MGAT3: variants seen among roughly 807,000 people sequenced by gnomAD.
MGAT3 encodes beta-1,4-mannosyl-glycoprotein 4-beta-N-acetylglucosaminyltransferase.
A neutral mutation model predicts 29.8 loss-of-function variants in MGAT3; 9 were observed. The observed-to-expected ratio is 0.30, with a 90% CI of 0.18 to 0.53. The LOEUF is 0.53. Ranked by LOEUF, MGAT3 falls within the 20% of genes least tolerant of loss-of-function variation. The pLI is 0.96. For missense variants in MGAT3, 557 were observed against 769.5 expected (o/e 0.72, Z 3.27); for synonymous variants, 397 against 348.9 (o/e 1.14, Z -1.54).
At chr22:39,469,055 G>A (rs1390733734) in intron 1 of MGAT3, among the ~76,000 whole-genome samples, 2 of 151,698 alleles carry the variant, frequency 1.3e-5, no homozygotes, top group African/African-American at 2.4e-5. Flanking sequence ...TCCGGTGAGC[G>A]GTAGGCTTGG....
intron 1 of MGAT3, among the ~76,000 whole-genome samples, chr22:39,483,513 A>C (rs1929186781): frequency 6.7e-6 from 1 of 148,358 alleles, no homozygotes; most frequent in Admixed American, 6.7e-5. Context: ...AAAAAAAAAA[A>C]GAAAAGAAAA....
At chr22:39,486,238 C>G (rs1425799699) in intron 1 of MGAT3, 1 of 393,080 alleles carries the variant, frequency 2.5e-6, no homozygotes, top group Admixed American at 3.4e-5. Context: ...ACTTCCGCCC[C>G]CTGGGTTCAA....
rs1048859745 is a variant in MGAT3, at chr22:39,474,857, A to G, written c.-1-12490A>G. Among the ~76,000 whole-genome samples, 6 of 152,224 alleles carry G rather than the reference A, an allele frequency of 3.9e-5. No homozygotes were observed. In the South Asian group the frequency reaches 1.2e-3, roughly 32 times the overall value. On this transcript the variant is annotated intron_variant, in intron 1 of 1. Coordinates refer to ENST00000341184, the MANE Select transcript of MGAT3 (RefSeq NM_002409.5). ...CAGGCTTTGTGTGTAAGAGGCAGTC[A>G]GAGCCCTCGGGCCCTCCTGAAATGT...
chr22:39,478,531 A>G (rs1248180569), intron 1 of MGAT3, among the ~76,000 whole-genome samples: 2 of 152,212 alleles, frequency 1.3e-5, no homozygotes, highest in African/African-American at 4.8e-5. Context: ...GGTGGGTGGC[A>G]GGGGCCAGGG....
intron 1 of MGAT3, among the ~76,000 whole-genome samples, chr22:39,475,285 A>G (rs1005769615): frequency 1.3e-5 from 2 of 149,504 alleles, no homozygotes; most frequent in Non-Finnish European, 3.0e-5. Context: ...CCTTCACTCC[A>G]CCTCTCTCTC....
intron 1 of MGAT3, among the ~76,000 whole-genome samples, chr22:39,459,829 C>T (rs1475139043): frequency 6.6e-6 from 1 of 152,194 alleles, no homozygotes; most frequent in Non-Finnish European, 1.5e-5. Context: ...TGCCTGGCAC[C>T]TGAGCAGCAC....
Position 39,489,166 on chromosome 22 carries a change from G to T in MGAT3, c.*217G>T, listed in dbSNP as rs73420206. On this transcript the variant is annotated 3_prime_UTR_variant, in exon 2 of 2. Coordinates refer to ENST00000341184, the MANE Select transcript of MGAT3 (RefSeq NM_002409.5). ...CTCCTGTTGGGAGAGGGCGCAGGCC[G>T]TGACGTCTGGGTGGCCCTTATGACT... The T allele has an allele frequency of 5.5e-3, 3,846 of 699,746 alleles. 115 individuals are homozygous for T. The African/African-American group carries it at 0.058, about 11-fold the overall frequency. The allele number at this position is 699,746 out of a possible 1,614,324, so 43.3% of individuals were successfully genotyped here. A position where few individuals can be genotyped will look rare whatever the true frequency, so the allele number is the denominator to read the frequency against.
chr22:39,465,926 C>A (rs1241796983), intron 1 of MGAT3, among the ~76,000 whole-genome samples: 1 of 146,640 alleles, frequency 6.8e-6, no homozygotes, highest in African/African-American at 2.5e-5. Flanking sequence ...AGTGAGACTC[C>A]GTCTTAAAAA....
chr22:39,469,521 G>T (rs570652900), intron 1 of MGAT3, among the ~76,000 whole-genome samples: 1 of 152,296 alleles, frequency 6.6e-6, no homozygotes, highest in South Asian at 2.1e-4. Context: ...ACATGGGTAG[G>T]TGCCGGGGGA....
intron 1 of MGAT3, among the ~76,000 whole-genome samples, chr22:39,464,463 G>A (rs113385550): frequency 0.036 from 5,499 of 151,682 alleles, 309 homozygotes; most frequent in African/African-American, 0.12. Flanking sequence ...TTTTTGAGAC[G>A]GAGTTTCACT....
intron 1 of MGAT3, among the ~76,000 whole-genome samples, chr22:39,463,757 A>C (rs562049752): frequency 6.7e-5 from 10 of 149,454 alleles, no homozygotes; most frequent in Non-Finnish European, 1.5e-4. Context: ...ACAAAAAATT[A>C]AAAAAAAAAT....
At chr22:39,462,528 C>G (rs1396943400) in intron 1 of MGAT3, among the ~76,000 whole-genome samples, 2 of 152,254 alleles carry the variant, frequency 1.3e-5, no homozygotes, top group Non-Finnish European at 2.9e-5. Context: ...AGGGCAGCCT[C>G]ACACTACAGA....
At chr22:39,486,258 C>T (rs948282953) in intron 1 of MGAT3, 7 of 376,102 alleles carry the variant, frequency 1.9e-5, no homozygotes, top group African/African-American at 4.4e-5. Context: ...AGTAATTCTC[C>T]TGCCTCAGCC....
chr22:39,482,931 C>T (rs1004992499), intron 1 of MGAT3, among the ~76,000 whole-genome samples: 2 of 152,232 alleles, frequency 1.3e-5, no homozygotes, highest in Non-Finnish European at 2.9e-5. Context: ...CAGAAGGGCA[C>T]AGCTGGCTAT....
At chr22:39,467,851 G>A (rs1319825572) in intron 1 of MGAT3, among the ~76,000 whole-genome samples, 1 of 148,694 alleles carries the variant, frequency 6.7e-6, no homozygotes, top group Non-Finnish European at 1.5e-5. Flanking sequence ...TTCAGATGCA[G>A]ACAGAGAACC....
chr22:39,487,773 C>T lies in MGAT3; in HGVS notation c.426C>T (p.Gly142=), dbSNP rs1360710516. The T allele has an allele frequency of 1.3e-6, 2 of 1,498,090 alleles. No homozygotes were observed. Among genetic ancestry groups the T allele is most frequent in the African/African-American group, 1.4e-5 (1 of 71,334 alleles). 92.8% of individuals were successfully genotyped at this position (1,498,090 alleles called of 1,614,324 possible). A position where few individuals can be genotyped will look rare whatever the true frequency, so the allele number is the denominator to read the frequency against. ...RPEEKPEGAN[G]SSARRPPRYL... ...AGGAGAAGCCTGAGGGGGCCAACGG[C>T]TCCTCGGCCCGGCGGCCACCCCGGT... The change falls in exon 2 of 2, where the codon GGC becomes GGT. Residue 142 remains glycine, a synonymous_variant. Transcript: ENST00000341184. The surrounding 1 kb of genome is among the most constrained non-coding windows in gnomAD (Gnocchi z 5.7).
Position 39,488,322 on chromosome 22 carries a change from C to A in MGAT3, c.975C>A (p.Asp325Glu). ...ATGCGGACGAGATCCCGGCCCGTGA[C>A]GGCGTCCTTTTCCTCAAGCTCTACG... ...IDDADEIPAR[D>E]GVLFLKLYDG... The change falls in exon 2 of 2, where the codon GAC (aspartate) becomes GAA (glutamate). Residue 325 changes from aspartate (D) to glutamate (E), a missense_variant. By Grantham distance (45) the Asp-to-Glu change is conservative. This residue lies in a region of MGAT3 where 243 missense variants were observed against 444.0 expected (regional missense o/e 0.55). Coordinates refer to ENST00000341184, the MANE Select transcript of MGAT3 (RefSeq NM_002409.5). 2 of 1,612,072 alleles carry A rather than the reference C, an allele frequency of 1.2e-6. No individual in the cohort carries two copies. Among genetic ancestry groups the A allele is most frequent in the East Asian group, 2.2e-5 (1 of 44,866 alleles).
chr22:39,461,179 C>G (rs1000775360), intron 1 of MGAT3, among the ~76,000 whole-genome samples: 5 of 152,188 alleles, frequency 3.3e-5, no homozygotes, highest in African/African-American at 1.2e-4. Flanking sequence ...ATAATGGGAG[C>G]TGGTACGTGC....
chr22:39,477,670 ATCTT>A (rs1176531647), intron 1 of MGAT3: 1 of 152,256 alleles, frequency 6.6e-6, no homozygotes, highest in Admixed American at 6.5e-5. Context: ...AGAGGGTGAC[ATCTT>A]TCTTTTAGAT....
Sources: allele counts gnomAD v4.1 joint callset (sites outside exome capture counted in the v4.1 genomes callset), GRCh38; gene constraint gnomAD v4.1.1; regional missense constraint gnomAD v4.1.1; non-coding constraint Gnocchi (gnomAD v3.1); transcripts MANE v1.5; gene names NCBI Gene and HGNC (gene_info 2026-07-23, HGNC 2026-07-21).